The following CASK variants were observed in gnomAD, a reference collection of about 807,000 sequenced individuals.
CASK encodes the protein peripheral plasma membrane protein CASK.
CASK carries 4 observed loss-of-function variants against 82.9 expected under a neutral mutation model. The ratio of observed to expected loss-of-function variants is 0.05; its 90% CI spans 0.02 to 0.11. The LOEUF is 0.11. CASK is among the 10% of genes least tolerant of loss of function. The pLI is 1.00. For synonymous variants in CASK, 259 were observed against 253.5 expected, an observed-to-expected ratio of 1.02 and a Z score of -0.20; for missense variants, 358 against 720.9, an observed-to-expected ratio of 0.50 and a Z score of 5.76.
chrX:41,765,492 A>G (rs1410129847), intron 3 of CASK, among the ~76,000 whole-genome samples: 2 of 111,924 alleles, frequency 1.8e-5, no homozygotes, highest in Non-Finnish European at 3.8e-5. Context: ...AAAGTCCATC[A>G]TTAGGGGAAT....
chrX:41,578,589 TATTTA>T (rs996736809), intron 14 of CASK, 61 bp from the exon 15 acceptor site: 5 of 794,219 alleles, frequency 6.3e-6, no homozygotes, highest in Non-Finnish European at 9.1e-6. Flanking sequence ...AAATTTATTT[TATTTA>T]TTTATTTATT....
At chrX:41,624,137 T>C (rs1350135771) in intron 10 of CASK, 2 of 313,140 alleles carry the variant, frequency 6.4e-6, no homozygotes, top group East Asian at 9.8e-5. Context: ...ATACAAACCA[T>C]TACTGGATCC....
At chrX:41,703,853 C>T (rs5964038) in intron 5 of CASK, among the ~76,000 whole-genome samples, 1 of 112,082 alleles carries the variant, frequency 8.9e-6, no homozygotes. Flanking sequence ...ACAACCTTAC[C>T]AACACTTGGT....
At chrX:41,797,631 AG>A (rs967392722) in intron 2 of CASK, among the ~76,000 whole-genome samples, 64 of 112,039 alleles carry the variant, frequency 5.7e-4, no homozygotes, top group Non-Finnish European at 3.0e-4. Context: ...CAGAAGTGAC[AG>A]CAAGACAGTC....
At chrX:41,594,322 T>C (rs1279628317) in intron 12 of CASK, among the ~76,000 whole-genome samples, 1 of 111,910 alleles carries the variant, frequency 8.9e-6, no homozygotes, top group Non-Finnish European at 1.9e-5. Flanking sequence ...CTCCTTCTTG[T>C]TCGGGAGGAA....
Position 41,531,311 on chromosome X carries a change from G to C in CASK, c.2318-102C>G, listed in dbSNP as rs2064800624. ...ACCCAGTCTCTTCCTAAAAGCTGTGGATTCTTTAGCGTATATCTCATATCC... is the reference window on the plus strand; with the variant it reads ...ACCCAGTCTCTTCCTAAAAGCTGTGCATTCTTTAGCGTATATCTCATATCC... On this transcript the variant is annotated intron_variant, in intron 24 of 26. Coordinates refer to ENST00000378163, the MANE Select transcript of CASK (RefSeq NM_001367721.1). The C allele has an allele frequency of 4.4e-6, 3 of 689,044 alleles. No individual in the cohort carries two copies. The East Asian group carries it at 9.6e-5, about 22-fold the overall frequency. 56.8% of individuals were successfully genotyped at this position (689,044 alleles called of 1,213,427 possible).
chrX:41,917,489 C>T (rs5964065), intron 1 of CASK, among the ~76,000 whole-genome samples: 23,484 of 111,250 alleles, frequency 0.21, 2,126 homozygotes, highest in East Asian at 0.53. Context: ...GGTATATCTG[C>T]TCCTTCAATT....
chrX:41,849,331 CTAAAT>C (rs945232244), intron 2 of CASK, among the ~76,000 whole-genome samples: 1 of 111,019 alleles, frequency 9.0e-6, no homozygotes, highest in Non-Finnish European at 1.9e-5. Flanking sequence ...GACAAAAACT[CTAAAT>C]TAGTGGCTCA....
chrX:41,520,991 C>G (rs1478950752), intron 26 of CASK, among the ~76,000 whole-genome samples: 2 of 111,946 alleles, frequency 1.8e-5, no homozygotes, highest in African/African-American at 6.5e-5. Context: ...TAGCCTCAAG[C>G]CACTCTCCCA....
chrX:41,658,553 C>T (rs1323925325), intron 8 of CASK, among the ~76,000 whole-genome samples: 1 of 111,570 alleles, frequency 9.0e-6, no homozygotes, highest in Non-Finnish European at 1.9e-5. Context: ...GGTGTGAGAG[C>T]AGTTTGAGTT....
intron 12 of CASK, 104 bp from the exon 13 acceptor site, chrX:41,589,696 G>T (rs2065714461): frequency 1.7e-6 from 1 of 572,638 alleles, no homozygotes; most frequent in Non-Finnish European, 2.9e-6. Context: ...TTTTAAAAAG[G>T]CAGGCTGATG....
At position 41,516,824 on chromosome X, in the gene CASK, A is replaced by C. The variant is rs1040619007; in HGVS notation, c.*3596T>G. On this transcript the variant is annotated 3_prime_UTR_variant, in exon 27 of 27. Coordinates refer to ENST00000378163, the MANE Select transcript of CASK (RefSeq NM_001367721.1). ...GTTTTCTTGGTAGCTTTAGCAACAC[A>C]TTCTCTTTGCCCCAAGTTAAGAAAC... 7 of 110,500 alleles carry C rather than the reference A, an allele frequency of 6.3e-5. No homozygotes were observed. Among genetic ancestry groups the C allele is most frequent in the Non-Finnish European group, 1.1e-4 (6 of 52,875 alleles). 9.1% of individuals were successfully genotyped at this position (110,500 alleles called of 1,213,427 possible). A position where few individuals can be genotyped will look rare whatever the true frequency, so the allele number is the denominator to read the frequency against.
At chrX:41,839,049 T>G (rs887076876) in intron 2 of CASK, among the ~76,000 whole-genome samples, 2 of 112,003 alleles carry the variant, frequency 1.8e-5, no homozygotes, top group African/African-American at 6.5e-5. Flanking sequence ...TATTAATTCC[T>G]ATAGCTATAT....
chrX:41,750,756 A>G (rs2068773959), intron 3 of CASK, among the ~76,000 whole-genome samples: 1 of 112,530 alleles, frequency 8.9e-6, no homozygotes, highest in South Asian at 3.6e-4. Flanking sequence ...CTTGAGGCAC[A>G]AGGTATTACT....
chrX:41,836,493 T>C (rs1480264366), intron 2 of CASK, among the ~76,000 whole-genome samples: 1 of 106,803 alleles, frequency 9.4e-6, no homozygotes, highest in Non-Finnish European at 2.0e-5. Context: ...ATAATACCAA[T>C]GCTCAAAATG....
intron 7 of CASK, among the ~76,000 whole-genome samples, chrX:41,661,418 C>T (rs187260953): frequency 2.7e-5 from 3 of 111,252 alleles, no homozygotes; most frequent in African/African-American, 9.8e-5. Context: ...CTACCCAGTG[C>T]CAGGACCTTC....
intron 14 of CASK, chrX:41,583,843 G>T (rs2065617075): frequency 9.0e-6 from 1 of 111,474 alleles, no homozygotes; most frequent in South Asian, 3.8e-4. Context: ...CCAGGCTCAT[G>T]TGATCCTCCC....
chrX:41,675,550 A>C (rs1304627090), intron 5 of CASK, among the ~76,000 whole-genome samples: 1 of 112,546 alleles, frequency 8.9e-6, no homozygotes, highest in Non-Finnish European at 1.9e-5. Flanking sequence ...GGCCACCTCA[A>C]GATGAAAACA....
chrX:41,595,421 T>C (rs1292354175), intron 12 of CASK, among the ~76,000 whole-genome samples: 1 of 110,450 alleles, frequency 9.1e-6, no homozygotes, highest in Non-Finnish European at 1.9e-5. Context: ...CTCGGCAAGA[T>C]AGTGAGACTC....
Sources: gnomAD v4.1 joint callset for allele counts (sites outside exome capture counted in the v4.1 genomes callset) on GRCh38, gnomAD v4.1.1 for gene constraint, MANE v1.5 for transcripts, NCBI Gene and HGNC (gene_info 2026-07-23, HGNC 2026-07-21) for gene names.